ATP13A4: variants seen among roughly 807,000 people sequenced by gnomAD.
ATP13A4 encodes the protein probable cation-transporting ATPase 13A4.
In ATP13A4, 114 loss-of-function variants were observed where a neutral mutation model predicts 142.5. That is an observed-to-expected ratio of 0.80 (90% CI 0.69 to 0.93). ATP13A4 has a LOEUF of 0.93. Ranked by LOEUF, ATP13A4 falls within the 40% of genes least tolerant of loss-of-function variation. ATP13A4 has a pLI of 0.00. For missense variants in ATP13A4, 1,392 were observed against 1,454.0 expected (o/e 0.96, Z 0.69); for synonymous variants, 488 against 514.8 (o/e 0.95, Z 0.70).
At chr3:193,431,978 TG>T in intron 25 of ATP13A4, among the ~76,000 whole-genome samples, 1 of 151,872 alleles carries the variant, frequency 6.6e-6, no homozygotes, top group Admixed American at 6.6e-5. Flanking sequence ...ATGGAGAAAG[TG>T]GGTATACATA....
At chr3:193,446,384 A>C (rs1235203761) in intron 18 of ATP13A4, among the ~76,000 whole-genome samples, 1 of 152,254 alleles carries the variant, frequency 6.6e-6, no homozygotes, top group African/African-American at 2.4e-5. Flanking sequence ...ATTCTGGGGA[A>C]GTCTGGTTCT....
intron 1 of ATP13A4, among the ~76,000 whole-genome samples, chr3:193,531,345 A>AGGAAGGAAGAGAGGAAGGAAGGAG: frequency 2.1e-5 from 2 of 96,846 alleles, no homozygotes; most frequent in Non-Finnish European, 4.2e-5. Flanking sequence ...GAAGGGAGGA[A>AGGAAGGAAGAGAGGAAGGAAGGAG]GAGAGGGAGG....
At chr3:193,451,155 AT>A (rs966158076) in intron 17 of ATP13A4, among the ~76,000 whole-genome samples, 6 of 151,998 alleles carry the variant, frequency 3.9e-5, no homozygotes, top group Non-Finnish European at 8.8e-5. Flanking sequence ...TGCCTTCCCT[AT>A]TGAAGTGCAT....
intron 4 of ATP13A4, 43 bp from the exon 5 acceptor site, chr3:193,493,040 T>A (rs756213014): frequency 1.2e-6 from 2 of 1,604,006 alleles, no homozygotes; most frequent in South Asian, 2.2e-5. Flanking sequence ...GCAATAATAT[T>A]TTTGAGATAA....
chr3:193,403,776 T>A (rs1714362075), intron 29 of ATP13A4: 1 of 985,004 alleles, frequency 1.0e-6, no homozygotes, highest in Non-Finnish European at 1.2e-6. Context: ...TCACAAAGAT[T>A]GACCATCTTA....
intron 2 of ATP13A4, among the ~76,000 whole-genome samples, chr3:193,565,924 C>A (rs1175071185): frequency 6.6e-6 from 1 of 152,178 alleles, no homozygotes; most frequent in Non-Finnish European, 1.5e-5. Flanking sequence ...TATTGTCCTA[C>A]TCTTGTGATA....
intron 2 of ATP13A4, among the ~76,000 whole-genome samples, chr3:193,569,832 GCCA>G (rs61475595): frequency 0.028 from 4,272 of 152,180 alleles, 179 homozygotes; most frequent in African/African-American, 0.092. Context: ...ACTTCACCCA[GCCA>G]GTACTGGTTA....
intron 1 of ATP13A4, among the ~76,000 whole-genome samples, chr3:193,542,504 A>AG (rs371876708): frequency 6.6e-6 from 1 of 152,148 alleles, no homozygotes; most frequent in East Asian, 1.9e-4. Context: ...CAAAAAAAAA[A>AG]GAGTCCCCAT....
intron 2 of ATP13A4, among the ~76,000 whole-genome samples, chr3:193,512,853 T>G (rs1228857850): frequency 1.3e-5 from 2 of 152,168 alleles, no homozygotes; most frequent in African/African-American, 4.8e-5. Flanking sequence ...TCCTCACCCA[T>G]CAAATGAAGA....
intron 25 of ATP13A4, among the ~76,000 whole-genome samples, chr3:193,432,060 A>G (rs182131286): frequency 1.3e-5 from 2 of 152,136 alleles, no homozygotes; most frequent in East Asian, 1.9e-4. Flanking sequence ...AAGAATTTTT[A>G]AAAGAAAGAA....
chr3:193,574,004 A>T (rs898455514), intron 2 of ATP13A4, among the ~76,000 whole-genome samples: 1 of 152,160 alleles, frequency 6.6e-6, no homozygotes, highest in Non-Finnish European at 1.5e-5. Context: ...GAGGAGAGTA[A>T]ACAGGAACTA....
chr3:193,487,600 C>G (rs1296935359), intron 7 of ATP13A4, among the ~76,000 whole-genome samples: 1 of 152,050 alleles, frequency 6.6e-6, no homozygotes, highest in Non-Finnish European at 1.5e-5. Context: ...CAGGTGTGAG[C>G]CTCCACACCT....
At chr3:193,460,368 C>G (rs1047883301) in intron 13 of ATP13A4, among the ~76,000 whole-genome samples, 4 of 152,168 alleles carry the variant, frequency 2.6e-5, no homozygotes, top group Non-Finnish European at 4.4e-5. Flanking sequence ...TTAAAGATAA[C>G]CTTAAGTTGC....
At chr3:193,486,190 A>C (rs909006662) in intron 7 of ATP13A4, among the ~76,000 whole-genome samples, 5 of 152,002 alleles carry the variant, frequency 3.3e-5, no homozygotes. Flanking sequence ...GTGATTTTTA[A>C]GAGTTTAAAG....
chr3:193,509,320 T>G (rs1450059562), intron 2 of ATP13A4, among the ~76,000 whole-genome samples: 1 of 152,218 alleles, frequency 6.6e-6, no homozygotes, highest in Non-Finnish European at 1.5e-5. Context: ...GATTTTTACA[T>G]TTATTTGTGT....
chr3:193,495,851 T>A lies in ATP13A4; in HGVS notation c.382-2691A>T, dbSNP rs138267912. On this transcript the variant is annotated intron_variant, in intron 3 of 29. Transcript: ENST00000342695. ...TCCTAAAGCCTCCACTAAAAAAAAC[T>A]AATAAACAAATTCAGTAGAGTTACA... is the stretch of plus-strand genomic sequence containing the variant. 3.3e-3 allele frequency among the ~76,000 whole-genome samples: 506 copies of A among 152,142 alleles called. 3 individuals are homozygous for A. Among genetic ancestry groups the A allele is most frequent in the African/African-American group, 0.012 (487 of 41,546 alleles).
chr3:193,407,535 T>C (rs1253801154), intron 28 of ATP13A4, 142 bp from the exon 29 acceptor site: 1 of 553,544 alleles, frequency 1.8e-6, no homozygotes, highest in Non-Finnish European at 3.2e-6. Context: ...ATCTTATATA[T>C]ATAAAAAATT....
At chr3:193,429,707 T>C (rs193157304) in intron 25 of ATP13A4, among the ~76,000 whole-genome samples, 6 of 151,982 alleles carry the variant, frequency 3.9e-5, no homozygotes, top group Admixed American at 1.3e-4. Flanking sequence ...GTGGTGATGA[T>C]TGAAAACATT....
chr3:193,564,362 G>A (rs995903913), intron 2 of ATP13A4, among the ~76,000 whole-genome samples: 2 of 152,236 alleles, frequency 1.3e-5, no homozygotes, highest in African/African-American at 4.8e-5. Context: ...TGTGTCCTAT[G>A]AAATGCATTT....
Sources: allele counts gnomAD v4.1 joint callset (sites outside exome capture counted in the v4.1 genomes callset), GRCh38; gene constraint gnomAD v4.1.1; transcripts MANE v1.5; gene names NCBI Gene and HGNC (gene_info 2026-07-23, HGNC 2026-07-21).